Variants in KIAA1671 observed in about 807,000 individuals in gnomAD.
The protein encoded by KIAA1671 is KIAA1671.
Under a neutral mutation model 131.2 loss-of-function variants are expected in KIAA1671, and 52 were observed. That is an observed-to-expected ratio of 0.40 (90% CI 0.32 to 0.50). The LOEUF (loss-of-function observed/expected upper bound fraction) is 0.50. Ranked by LOEUF, KIAA1671 falls within the 20% of genes least tolerant of loss-of-function variation. The pLI is 0.73. For missense variants in KIAA1671, 2,360 were observed against 2,364.2 expected, an observed-to-expected ratio of 1.00 and a Z score of 0.04; for synonymous variants, 1,003 against 961.6, an observed-to-expected ratio of 1.04 and a Z score of -0.80.
rs1234205599 is a variant in KIAA1671, at chr22:25,028,107, C to T, written c.108C>T (p.Ala36=). Residue 36 remains alanine (A), a synonymous_variant, in exon 3 of 13, where the codon GCC becomes GCT. Transcript: ENST00000358431. ...TGACGAGGACCTACTTCCTCCAGGCCGGCGAAGCCTCTGGGGCTCCCCCAG... is the reference window on the plus strand; with the variant it reads ...TGACGAGGACCTACTTCCTCCAGGCTGGCGAAGCCTCTGGGGCTCCCCCAG... ...ETLTRTYFLQ[A]GEASGAPPAR... The T allele has an allele frequency of 1.9e-5, 30 of 1,551,166 alleles. No homozygotes were observed. The South Asian group carries it at 2.3e-4, about 12-fold the overall frequency.
chr22:25,168,796 A>C (rs548007140), intron 6 of KIAA1671, among the ~76,000 whole-genome samples: 3 of 152,256 alleles, frequency 2.0e-5, no homozygotes, highest in Admixed American at 2.0e-4. Flanking sequence ...AAGGCTGCAG[A>C]GGCCAGGAGT....
At chr22:25,066,307 C>G (rs113616173) in intron 6 of KIAA1671, among the ~76,000 whole-genome samples, 6 of 152,254 alleles carry the variant, frequency 3.9e-5, no homozygotes, top group Non-Finnish European at 7.3e-5. Flanking sequence ...CACCACCACA[C>G]CAGGCTAAGT....
intron 1 of KIAA1671, among the ~76,000 whole-genome samples, chr22:24,968,937 T>C (rs1922451248): frequency 6.6e-6 from 1 of 152,180 alleles, no homozygotes; most frequent in African/African-American, 2.4e-5. Flanking sequence ...CCTTGCCCTG[T>C]CACCCAGGTA....
intron 6 of KIAA1671, among the ~76,000 whole-genome samples, chr22:25,067,497 T>C (rs1414588251): frequency 6.6e-6 from 1 of 151,816 alleles, no homozygotes; most frequent in East Asian, 1.9e-4. Flanking sequence ...TCTCCCTCCA[T>C]GTCTCTCGTC....
At chr22:25,103,234 G>A (rs1327192517) in intron 6 of KIAA1671, among the ~76,000 whole-genome samples, 3 of 135,214 alleles carry the variant, frequency 2.2e-5, no homozygotes, top group Admixed American at 1.5e-4. Flanking sequence ...TTTTGAGAAC[G>A]GCGTCTCGCT....
chr22:25,034,263 C>T (rs1382867754), intron 4 of KIAA1671, among the ~76,000 whole-genome samples: 3 of 151,820 alleles, frequency 2.0e-5, no homozygotes, highest in African/African-American at 7.3e-5. Context: ...CCAGGCTGGT[C>T]TTGCACTCCT....
At position 25,040,124 on chromosome 22, in the gene KIAA1671, G is replaced by T; in HGVS notation, c.2994G>T (p.Glu998Asp). The change falls in exon 5 of 13, where the codon GAG becomes GAT. Residue 998 changes from glutamate to aspartate, a missense_variant. Transcript: ENST00000358431. ...RKPQLSHYRVETQEVNPGASR... is the reference protein window; with the variant it reads ...RKPQLSHYRVDTQEVNPGASR... ...CTCAACTATCCCACTACAGGGTGGA[G>T]ACCCAGGAGGTGAACCCAGGTGCTT... The T allele has an allele frequency of 6.4e-7, 1 of 1,551,702 alleles. No homozygotes were observed. The highest frequency in any genetic ancestry group is 8.7e-7 in the Non-Finnish European group (1 of 1,147,010).
At position 25,048,027 on chromosome 22, in the gene KIAA1671, G is replaced by A. The variant is rs1927339719; in HGVS notation, c.4396-1203G>A. 3.9e-5 allele frequency among the ~76,000 whole-genome samples: 6 copies of A among 152,284 alleles called. No homozygotes were observed. In the South Asian group the frequency reaches 1.2e-3, roughly 32 times the overall value. ...GTCAGATTTGCAGCATGTTTTGCAG[G>A]TAGAGTCTCAGCTTTGCTGATGCAG... On this transcript the variant is annotated intron_variant, in intron 5 of 12. Transcript: ENST00000358431.
In KIAA1671 at chr22:25,181,700, G is replaced by A. The variant is rs199924926; in HGVS notation, c.5076G>A (p.Glu1692=). The part of the protein sequence containing the change: ...DNTWMFKDST[E]EKSPRKEESD... Reference sequence around the variant, plus strand: ...TCAGTGCCCTTTTCTTTGCAACAGAGGAGAAATCACCCAGGAAGGAGGAGT... The same window carrying A: ...TCAGTGCCCTTTTCTTTGCAACAGAAGAGAAATCACCCAGGAAGGAGGAGT... The change falls in exon 10 of 13, where the codon GAG becomes GAA. Residue 1692 remains glutamate, a splice_region_variant and synonymous_variant. Transcript: ENST00000358431. 4.6e-4 allele frequency: 715 copies of A among 1,551,570 alleles called. 1 individual carries two copies. Among genetic ancestry groups the A allele is most frequent in the Non-Finnish European group, 3.3e-4 (377 of 1,146,910 alleles).
chr22:25,036,352 T>C (rs1438734932), intron 4 of KIAA1671, among the ~76,000 whole-genome samples: 1 of 152,010 alleles, frequency 6.6e-6, no homozygotes, highest in African/African-American at 2.4e-5. Flanking sequence ...AGTGCTGAGA[T>C]TGCAGGCATG....
At chr22:24,965,125 C>A (rs969143977) in intron 1 of KIAA1671, among the ~76,000 whole-genome samples, 34 of 151,304 alleles carry the variant, frequency 2.2e-4, no homozygotes, top group African/African-American at 6.3e-4. Flanking sequence ...AAAAGGGAGA[C>A]CTCGGCTGGG....
chr22:25,007,238 A>G (rs1231451854), intron 1 of KIAA1671, among the ~76,000 whole-genome samples: 1 of 152,180 alleles, frequency 6.6e-6, no homozygotes, highest in East Asian at 1.9e-4. Flanking sequence ...CTGTAATCCC[A>G]GCACTTTGGG....
chr22:24,969,190 C>T (rs567053964), intron 1 of KIAA1671, among the ~76,000 whole-genome samples: 2 of 152,304 alleles, frequency 1.3e-5, no homozygotes, highest in Non-Finnish European at 2.9e-5. Context: ...TGTGAGCCAC[C>T]GTGCCCGGCC....
intron 4 of KIAA1671, 139 bp downstream of exon 4, chr22:25,032,835 A>G (rs1170995546): frequency 3.4e-5 from 17 of 498,782 alleles, no homozygotes; most frequent in Non-Finnish European, 5.7e-5. Flanking sequence ...TTTTCTTCTA[A>G]TGTTGGGACT....
intron 6 of KIAA1671, among the ~76,000 whole-genome samples, chr22:25,099,495 A>AG (rs1474505200): frequency 6.8e-6 from 1 of 146,018 alleles, no homozygotes; most frequent in African/African-American, 2.5e-5. Flanking sequence ...AGCCTGGGGA[A>AG]GGGGGGCATT....
chr22:25,000,492 CTTT>C (rs932233451), intron 1 of KIAA1671, among the ~76,000 whole-genome samples: 5 of 49,642 alleles, frequency 1.0e-4, no homozygotes, highest in Non-Finnish European at 1.3e-4. Context: ...CGCGCCCGGC[CTTT>C]TTTTTTTTTT....
chr22:25,056,382 G>C (rs1927840093), intron 6 of KIAA1671: 1 of 149,236 alleles, frequency 6.7e-6, no homozygotes, highest in Admixed American at 6.6e-5. Context: ...ACAGAAAAGA[G>C]CTCATATCCT....
intron 6 of KIAA1671, among the ~76,000 whole-genome samples, chr22:25,127,037 G>C (rs776463950): frequency 3.3e-5 from 5 of 152,128 alleles, no homozygotes; most frequent in African/African-American, 4.8e-5. Flanking sequence ...GACCTCTTAA[G>C]ATCTTTGCAG....
chr22:25,029,706 G>A (rs899267999), intron 3 of KIAA1671, among the ~76,000 whole-genome samples, 166 bp downstream of exon 3: 3 of 152,358 alleles, frequency 2.0e-5, no homozygotes, highest in South Asian at 2.1e-4. Context: ...GGTGAGGTGC[G>A]GAGAGGCAGT....
Sources: gnomAD v4.1 joint callset for allele counts (sites outside exome capture counted in the v4.1 genomes callset) on GRCh38, gnomAD v4.1.1 for gene constraint, MANE v1.5 for transcripts, NCBI Gene and HGNC (gene_info 2026-07-23, HGNC 2026-07-21) for gene names.